The following DOCK9 variants were observed in gnomAD, a reference collection of about 807,000 sequenced individuals.
DOCK9 encodes the protein dedicator of cytokinesis protein 9.
Under a neutral mutation model 263.3 loss-of-function variants are expected in DOCK9, and 89 were observed. The ratio of observed to expected loss-of-function variants is 0.34; its 90% CI spans 0.28 to 0.40. The LOEUF (loss-of-function observed/expected upper bound fraction) is 0.40, where lower values mean the gene tolerates loss of function less well. DOCK9 is among the 10% of genes least tolerant of loss of function. The pLI is 1.00. For synonymous variants in DOCK9, 976 were observed against 973.1 expected (o/e 1.00, Z -0.06); for missense variants, 2,140 against 2,603.4 (o/e 0.82, Z 3.87).
intron 2 of DOCK9, among the ~76,000 whole-genome samples, chr13:98,951,892 A>C (rs1218990053): frequency 8.1e-5 from 10 of 122,880 alleles, no homozygotes. Flanking sequence ...ACTTTACTTC[A>C]TTAATATTCC....
Position 98,885,038 on chromosome 13 carries a change from T to G in DOCK9, c.2315A>C (p.Gln772Pro), listed in dbSNP as rs207474303. 1 of 1,613,754 alleles carries G rather than the reference T, an allele frequency of 6.2e-7. No individual in the cohort carries two copies. ...LKDGRVVTSE[Q>P]HIPVSANLPS... ...AAGGTTCGCCGAGACCGGGATGTGC[T>G]GCTCGCTTGTCACCACCCTTCCGTC... Residue 772 changes from glutamine (Q) to proline (P), a missense_variant, in exon 21 of 53, where the codon CAG (glutamine) becomes CCG (proline). This residue lies in a region of DOCK9 where 1,521 missense variants were observed against 1,741.7 expected (regional missense o/e 0.87). Coordinates refer to ENST00000682017, the MANE Select transcript of DOCK9 (RefSeq NM_001366683.2).
chr13:98,900,212 T>A (rs1472095676), intron 13 of DOCK9, among the ~76,000 whole-genome samples: 1 of 152,202 alleles, frequency 6.6e-6, no homozygotes, highest in Non-Finnish European at 1.5e-5. Context: ...TCAGTGGACA[T>A]GGAGGAGTGT....
intron 45 of DOCK9, among the ~76,000 whole-genome samples, chr13:98,817,964 G>A (rs947939116): frequency 1.3e-5 from 2 of 151,966 alleles, no homozygotes; most frequent in Non-Finnish European, 2.9e-5. Context: ...ACATTATTTC[G>A]TCTTCTTTTC....
chr13:98,870,591 G>A lies in DOCK9; in HGVS notation c.2944-2214C>T, dbSNP rs763241319. Among the ~76,000 whole-genome samples the A allele has an allele frequency of 1.6e-4, 24 of 152,166 alleles. 1 individual carries two copies. Among genetic ancestry groups the A allele is most frequent in the Non-Finnish European group, 2.2e-4 (15 of 68,034 alleles). ...GCTAAAACCAGGAAAAGTAGATGGA[G>A]AACTCTATCATGGACAGGTTGAGTG... On this transcript the variant is annotated intron_variant, in intron 27 of 52. Coordinates refer to ENST00000682017, the MANE Select transcript of DOCK9 (RefSeq NM_001366683.2).
chr13:98,905,103 T>C (rs2048884255), intron 9 of DOCK9, among the ~76,000 whole-genome samples: 1 of 152,048 alleles, frequency 6.6e-6, no homozygotes. Flanking sequence ...ACACTGAGGA[T>C]GGAAATGAGC....
At chr13:99,008,422 C>A (rs193259788) in intron 1 of DOCK9, among the ~76,000 whole-genome samples, 1 of 151,720 alleles carries the variant, frequency 6.6e-6, no homozygotes, top group Non-Finnish European at 1.5e-5. Flanking sequence ...TTAGTAGAGA[C>A]GGGGTTTCAC....
At chr13:98,887,776 G>T (rs2046011989) in intron 18 of DOCK9, among the ~76,000 whole-genome samples, 1 of 151,918 alleles carries the variant, frequency 6.6e-6, no homozygotes, top group Non-Finnish European at 1.5e-5. Context: ...TTACTATACT[G>T]TAGTAAACAT....
chr13:98,998,614 A>AC (rs1353727520), intron 1 of DOCK9, among the ~76,000 whole-genome samples: 1 of 151,964 alleles, frequency 6.6e-6, no homozygotes, highest in African/African-American at 2.4e-5. Context: ...CCCCTACCCT[A>AC]CCCACCTGGC....
intron 1 of DOCK9, among the ~76,000 whole-genome samples, chr13:99,037,869 T>TGA (rs1313315755): frequency 1.6e-4 from 24 of 152,362 alleles, no homozygotes; most frequent in Non-Finnish European, 5.9e-5. Flanking sequence ...GTTCATACTC[T>TGA]GATTCCATTT....
At chr13:99,074,997 A>G (rs966181971) in intron 1 of DOCK9, among the ~76,000 whole-genome samples, 3 of 152,120 alleles carry the variant, frequency 2.0e-5, no homozygotes, top group African/African-American at 7.2e-5. Flanking sequence ...TACTGTAGTT[A>G]ATTTTATGTA....
At chr13:98,868,092 A>G (rs1490913393) in intron 28 of DOCK9, 81 bp from the exon 29 acceptor site, 4 of 1,540,994 alleles carry the variant, frequency 2.6e-6, no homozygotes, top group Non-Finnish European at 3.6e-6. Flanking sequence ...TTTATTGCTA[A>G]TAAGTTTATC....
At chr13:98,803,080 C>A (rs1281153868) in intron 49 of DOCK9, among the ~76,000 whole-genome samples, 4 of 152,164 alleles carry the variant, frequency 2.6e-5, no homozygotes, top group African/African-American at 4.8e-5. Flanking sequence ...CCCAGGCCTA[C>A]AGGACCCCCA....
chr13:98,868,177 T>C, intron 28 of DOCK9, 54 bp downstream of exon 28: 1 of 1,602,794 alleles, frequency 6.2e-7, no homozygotes, highest in Non-Finnish European at 8.5e-7. Context: ...AGACAGCTGG[T>C]AAAAAGCACA....
At chr13:98,808,552 T>C in intron 47 of DOCK9, 2 of 888,694 alleles carry the variant, frequency 2.3e-6, no homozygotes, top group South Asian at 1.5e-5. Flanking sequence ...CAAGCTAGCA[T>C]GAAACAAAAA....
At chr13:99,087,069 T>C (rs1430188170), upstream of DOCK9, among the ~76,000 whole-genome samples, 1 of 146,942 alleles carries the variant, frequency 6.8e-6, no homozygotes, top group African/African-American at 2.7e-5. Context: ...GCCCGGGGCC[T>C]CTGCGGGGAC....
chr13:98,997,166 G>A (rs559539287), intron 1 of DOCK9, among the ~76,000 whole-genome samples: 25 of 152,296 alleles, frequency 1.6e-4, no homozygotes, highest in African/African-American at 5.3e-4. Context: ...CCTAGAACAC[G>A]CCGCTTCGCA....
intron 1 of DOCK9, among the ~76,000 whole-genome samples, chr13:99,082,700 G>A (rs74111975): frequency 0.088 from 13,452 of 152,126 alleles, 718 homozygotes; most frequent in African/African-American, 0.15. Flanking sequence ...GACTTAAGTA[G>A]CTGGTAGAAT....
At chr13:98,891,238 C>T (rs967014543) in intron 15 of DOCK9, among the ~76,000 whole-genome samples, 2 of 152,106 alleles carry the variant, frequency 1.3e-5, no homozygotes, top group East Asian at 1.9e-4. Context: ...TAGAACTCTT[C>T]AGGGGCATCA....
At chr13:98,908,345 A>T (rs920309344) in intron 9 of DOCK9, among the ~76,000 whole-genome samples, 1 of 152,150 alleles carries the variant, frequency 6.6e-6, no homozygotes, top group African/African-American at 2.4e-5. Flanking sequence ...AAAACACAAT[A>T]AACTTTGACT....
Sources: allele counts gnomAD v4.1 joint callset (sites outside exome capture counted in the v4.1 genomes callset), GRCh38; gene constraint gnomAD v4.1.1; regional missense constraint gnomAD v4.1.1; transcripts MANE v1.5; gene names NCBI Gene and HGNC (gene_info 2026-07-23, HGNC 2026-07-21).